EMCN: variants seen among roughly 807,000 people sequenced by gnomAD.
EMCN encodes the protein MUC-14.
Under a neutral mutation model 38.4 loss-of-function variants are expected in EMCN, and 37 were observed. The ratio of observed to expected loss-of-function variants is 0.96; its 90% CI spans 0.74 to 1.27. The LOEUF (loss-of-function observed/expected upper bound fraction) is 1.27, where lower values mean the gene tolerates loss of function less well. Among genes scored for constraint, EMCN ranks in the 50% most tolerant of loss-of-function variants. EMCN has a pLI of 0.00. For missense variants in EMCN, 318 were observed against 302.8 expected (o/e 1.05, Z -0.37); for synonymous variants, 95 against 100.8 (o/e 0.94, Z 0.35).
intron 1 of EMCN, among the ~76,000 whole-genome samples, chr4:100,498,621 A>T (rs748250924): frequency 2.4e-4 from 37 of 152,094 alleles, no homozygotes; most frequent in Non-Finnish European, 4.9e-4. Flanking sequence ...AGCTGGGATT[A>T]CAGGCGCCCA....
intron 4 of EMCN, among the ~76,000 whole-genome samples, chr4:100,453,600 G>A (rs1727912746): frequency 6.6e-6 from 1 of 152,006 alleles, no homozygotes. Context: ...CAACCACTGT[G>A]GAAGTCAGTG....
At position 100,423,128 on chromosome 4, in the gene EMCN, T is replaced by A. The variant is rs184846435; in HGVS notation, c.509-48A>T. The A allele has an allele frequency of 1.5e-4, 236 of 1,564,360 alleles. No homozygotes were observed. In the African/African-American group the frequency reaches 2.7e-3, roughly 18 times the overall value. On this transcript the variant is annotated intron_variant, in intron 6 of 11. Coordinates refer to ENST00000296420, the MANE Select transcript of EMCN (RefSeq NM_016242.4). Reference sequence around the variant, plus strand: ...TCACTTTTGGTTAATGTGTGCCAATTCTTGCAGTCCTCCCTCCACCCTCAT... The same window carrying A: ...TCACTTTTGGTTAATGTGTGCCAATACTTGCAGTCCTCCCTCCACCCTCAT...
intron 1 of EMCN, among the ~76,000 whole-genome samples, chr4:100,511,019 C>G (rs747227317): frequency 6.6e-6 from 1 of 152,092 alleles, no homozygotes; most frequent in Non-Finnish European, 1.5e-5. Context: ...GGTAAAAATT[C>G]ATTTATGGCA....
At chr4:100,507,466 T>C (rs556145958) in intron 1 of EMCN, among the ~76,000 whole-genome samples, 1 of 152,174 alleles carries the variant, frequency 6.6e-6, no homozygotes, top group Non-Finnish European at 1.5e-5. Context: ...CATCTCTGCT[T>C]ACCTTGTGGG....
At chr4:100,469,457 C>A (rs1307657449) in intron 3 of EMCN, among the ~76,000 whole-genome samples, 1 of 151,940 alleles carries the variant, frequency 6.6e-6, no homozygotes, top group African/African-American at 2.4e-5. Context: ...ACCTAGTGCA[C>A]AGCAAAGGAA....
At chr4:100,415,859 TA>T in intron 10 of EMCN, 38 bp downstream of exon 10, 1 of 1,382,216 alleles carries the variant, frequency 7.2e-7, no homozygotes, top group Non-Finnish European at 1.0e-6. Context: ...GATTCTAAAA[TA>T]ACTAATTTTC....
At chr4:100,409,430 G>A (rs17552895) in intron 11 of EMCN, among the ~76,000 whole-genome samples, 26,804 of 152,094 alleles carry the variant, frequency 0.18, 2,597 homozygotes, top group Middle Eastern at 0.3. Flanking sequence ...CAGGTTTAAC[G>A]TTGGCCTGAG....
intron 1 of EMCN, among the ~76,000 whole-genome samples, chr4:100,511,094 T>A (rs974394717): frequency 5.3e-5 from 8 of 152,214 alleles, no homozygotes; most frequent in African/African-American, 1.9e-4. Context: ...GACTTCTAAA[T>A]TACTCGAGCG....
At chr4:100,421,252 A>T (rs1262020961) in intron 8 of EMCN, 30 bp downstream of exon 8, 1 of 1,577,280 alleles carries the variant, frequency 6.3e-7, no homozygotes. Flanking sequence ...TTCTTCTTTC[A>T]GGAAAACAAA....
intron 3 of EMCN, among the ~76,000 whole-genome samples, chr4:100,467,614 G>T (rs1283445642): frequency 1.3e-5 from 2 of 150,468 alleles, no homozygotes; most frequent in Non-Finnish European, 3.0e-5. Flanking sequence ...CCCAAGAGGC[G>T]GAGCTTGCAG....
chr4:100,492,931 A>C (rs548586226), intron 1 of EMCN, among the ~76,000 whole-genome samples: 1 of 152,310 alleles, frequency 6.6e-6, no homozygotes, highest in South Asian at 2.1e-4. Context: ...TAACCTTTTT[A>C]GCCTCAGTTT....
At chr4:100,505,786 C>A (rs1388589227) in intron 1 of EMCN, among the ~76,000 whole-genome samples, 4 of 152,020 alleles carry the variant, frequency 2.6e-5, no homozygotes, top group African/African-American at 9.7e-5. Flanking sequence ...AGAGAGGAAG[C>A]AGAAAAATAG....
intron 5 of EMCN, among the ~76,000 whole-genome samples, chr4:100,436,099 G>T (rs531833567): frequency 3.3e-5 from 5 of 151,686 alleles, no homozygotes; most frequent in Non-Finnish European, 7.4e-5. Flanking sequence ...ACAAAATACA[G>T]AATAGGAAAA....
intron 11 of EMCN, among the ~76,000 whole-genome samples, chr4:100,405,689 G>T (rs969999330): frequency 3.3e-4 from 50 of 151,872 alleles, no homozygotes; most frequent in African/African-American, 1.1e-3. Flanking sequence ...AGTTTTCTTT[G>T]TTCATTGTGT....
At chr4:100,464,087 T>C (rs1345023847) in intron 4 of EMCN, among the ~76,000 whole-genome samples, 2 of 151,998 alleles carry the variant, frequency 1.3e-5, no homozygotes, top group Non-Finnish European at 2.9e-5. Context: ...CTCACCAAAA[T>C]AGTTTATAGT....
chr4:100,426,993 C>T (rs948627028), intron 5 of EMCN, among the ~76,000 whole-genome samples: 1 of 152,050 alleles, frequency 6.6e-6, no homozygotes, highest in African/African-American at 2.4e-5. Flanking sequence ...GAGTTTCCCT[C>T]CCCAATTTTT....
At chr4:100,497,440 A>G (rs1177748950) in intron 1 of EMCN, among the ~76,000 whole-genome samples, 1 of 151,852 alleles carries the variant, frequency 6.6e-6, no homozygotes, top group Non-Finnish European at 1.5e-5. Flanking sequence ...GCAGTAGCCC[A>G]ATCTCGGCTC....
At chr4:100,441,860 T>G (rs1476325670) in intron 5 of EMCN, among the ~76,000 whole-genome samples, 1 of 152,194 alleles carries the variant, frequency 6.6e-6, no homozygotes, top group East Asian at 1.9e-4. Context: ...GTTATACGTT[T>G]AGTTATTTTT....
chr4:100,473,373 G>GTTTTTTTT lies in EMCN; in HGVS notation c.259+1657_259+1664dup, dbSNP rs1256284835. ...GGCATTTCCCGTTTCGTGTTTTTTT[G>GTTTTTTTT]TTTTTTTTTTTTGTTTTTTTTTTTG... is the stretch of plus-strand genomic sequence containing the variant. On this transcript the variant is annotated intron_variant, in intron 3 of 11. Coordinates refer to ENST00000296420, the MANE Select transcript of EMCN (RefSeq NM_016242.4). 2.5e-3 allele frequency among the ~76,000 whole-genome samples: 167 copies of GTTTTTTTT among 65,970 alleles called. 21 individuals are homozygous for GTTTTTTTT. Among genetic ancestry groups the GTTTTTTTT allele is most frequent in the South Asian group, 3.6e-3 (4 of 1,102 alleles). 43.3% of individuals were successfully genotyped at this position (65,970 alleles called of 152,430 possible).
Sources: allele counts gnomAD v4.1 joint callset (sites outside exome capture counted in the v4.1 genomes callset), GRCh38; gene constraint gnomAD v4.1.1; transcripts MANE v1.5; gene names NCBI Gene and HGNC (gene_info 2026-07-23, HGNC 2026-07-21).